OTOF: variants seen among roughly 807,000 people sequenced by gnomAD.
OTOF encodes the protein fer-1-like family member 2.
In OTOF, 218 loss-of-function variants were observed where a neutral mutation model predicts 236.8. The ratio of observed to expected loss-of-function variants is 0.92; its 90% CI spans 0.82 to 1.03. OTOF has a LOEUF of 1.03. Among genes scored for constraint, OTOF ranks in the 50% least tolerant of loss-of-function variants. The pLI is 0.00. For synonymous variants in OTOF, 1,041 were observed against 1,072.5 expected (o/e 0.97, Z 0.57); for missense variants, 2,590 against 2,694.4 (o/e 0.96, Z 0.86).
chr2:26,463,457 G>A (rs1267612035), intron 41 of OTOF, 26 bp downstream of exon 41: 2 of 1,554,382 alleles, frequency 1.3e-6, no homozygotes, highest in South Asian at 2.3e-5. Context: ...CCGGAAGGGA[G>A]TAGCGCTGGG....
intron 18 of OTOF, 48 bp downstream of exon 18, chr2:26,479,216 C>G: frequency 1.2e-6 from 2 of 1,605,976 alleles, no homozygotes; most frequent in Non-Finnish European, 1.7e-6. Flanking sequence ...CTGACAGCGC[C>G]GTCTCCCCCA....
chr2:26,520,509 C>A (rs1182810030), intron 3 of OTOF, among the ~76,000 whole-genome samples: 2 of 152,150 alleles, frequency 1.3e-5, no homozygotes, highest in African/African-American at 4.8e-5. Context: ...AGCTCAGAGC[C>A]CCAACCACCA....
chr2:26,482,467 G>A lies in OTOF; in HGVS notation c.1518C>T (p.Asn506=), dbSNP rs747202669. 9.9e-6 allele frequency: 16 copies of A among 1,613,212 alleles called. No homozygotes were observed. Among genetic ancestry groups the A allele is most frequent in the Admixed American group, 3.3e-5 (2 of 60,004 alleles). ...KVQIRDSDKV[N]DVAIGTHFID... Reference sequence around the variant, plus strand: ...TGAAGTGGGTGCCGATGGCCACGTCGTTGACCTTGTCCGAGTCTCGGATCT... The same window carrying A: ...TGAAGTGGGTGCCGATGGCCACGTCATTGACCTTGTCCGAGTCTCGGATCT... Residue 506 remains asparagine (N), a synonymous_variant, in exon 14 of 47, where the codon AAC becomes AAT. Coordinates refer to ENST00000272371, the MANE Select transcript of OTOF (RefSeq NM_194248.3).
chr2:26,549,292 GC>G (rs1048324305), intron 1 of OTOF, among the ~76,000 whole-genome samples: 2 of 152,096 alleles, frequency 1.3e-5, no homozygotes, highest in African/African-American at 4.8e-5. Flanking sequence ...TTGTCTAATT[GC>G]CCATATCTCT....
intron 32 of OTOF, 67 bp from the exon 33 acceptor site, chr2:26,468,541 T>C (rs909668330): frequency 1.2e-5 from 14 of 1,205,328 alleles, no homozygotes; most frequent in African/African-American, 6.0e-5. Flanking sequence ...TGACCCCAAA[T>C]TGTGGGCCCA....
intron 2 of OTOF, among the ~76,000 whole-genome samples, chr2:26,535,732 C>T (rs1438405818): frequency 6.6e-6 from 1 of 152,210 alleles, no homozygotes; most frequent in Non-Finnish European, 1.5e-5. Flanking sequence ...AGGTTCCTGC[C>T]TCTGGGATAT....
chr2:26,475,529 CAG>C, intron 24 of OTOF, 36 bp from the exon 25 acceptor site: 1 of 1,604,566 alleles, frequency 6.2e-7, no homozygotes, highest in South Asian at 1.1e-5. Flanking sequence ...GGACAAGTGA[CAG>C]AGGGGGGGGC....
chr2:26,492,711 A>G (rs1332733596), intron 9 of OTOF, among the ~76,000 whole-genome samples: 1 of 152,136 alleles, frequency 6.6e-6, no homozygotes, highest in Admixed American at 6.5e-5. Flanking sequence ...GGAGACTGGG[A>G]GCCTCCAGTC....
chr2:26,489,072 T>C (rs930333918), intron 11 of OTOF, 139 bp downstream of exon 11: 1 of 714,512 alleles, frequency 1.4e-6, no homozygotes, highest in African/African-American at 1.7e-5. Flanking sequence ...GCAGGCCAGA[T>C]GGCTGTGTGT....
chr2:26,459,938 G>T, intron 46 of OTOF, 70 bp downstream of exon 46: 1 of 1,384,232 alleles, frequency 7.2e-7, no homozygotes, highest in East Asian at 2.5e-5. Flanking sequence ...GGATGTGTGC[G>T]TGTATATGTG....
Position 26,463,207 on chromosome 2 carries a change from C to T in OTOF, c.5192+276G>A, listed in dbSNP as rs575598983. Among the ~76,000 whole-genome samples, 22 of 152,246 alleles carry T rather than the reference C, an allele frequency of 1.4e-4. 1 individual carries two copies. Among genetic ancestry groups the T allele is most frequent in the African/African-American group, 5.1e-4 (21 of 41,540 alleles). On this transcript the variant is annotated intron_variant, in intron 41 of 46. Coordinates refer to ENST00000272371, the MANE Select transcript of OTOF (RefSeq NM_194248.3). ...CGTAGACCGTGTAGATACAATGCACCGGAGTGTGCTGTGTGGGGCTTGTCT... is the reference window on the plus strand; with the variant it reads ...CGTAGACCGTGTAGATACAATGCACTGGAGTGTGCTGTGTGGGGCTTGTCT...
chr2:26,514,188 G>A (rs55995745), intron 5 of OTOF, among the ~76,000 whole-genome samples: 34,571 of 152,282 alleles, frequency 0.23, 4,569 homozygotes, highest in African/African-American at 0.38. Flanking sequence ...TCAAACCTGG[G>A]CTGGCAGCCC....
rs201753818 is a variant in OTOF, at chr2:26,519,103, G to A, written c.234C>T (p.Ile78=). ...NYSKVFSNKL[I]GTFRMVLQKV... ...TCTGCAGCACCATGCGGAAGGTCCC[G>A]ATGAGCCTGGGGATGGCAGAGGGGG... Residue 78 remains isoleucine (I), a synonymous_variant, in exon 4 of 47, where the codon ATC becomes ATT. Coordinates refer to ENST00000272371, the MANE Select transcript of OTOF (RefSeq NM_194248.3). 8.0e-5 allele frequency: 127 copies of A among 1,595,728 alleles called. No individual in the cohort carries two copies. The Admixed American group carries it at 1.1e-3, about 14-fold the overall frequency.
rs80356598 is a variant in OTOF, at chr2:26,467,186, C to T, written c.4275G>A (p.Trp1425Ter). Residue 1425 changes from tryptophan to a stop codon, truncating the protein, a stop_gained, in exon 35 of 47, where the codon TGG (tryptophan) becomes TGA (stop). Coordinates refer to ENST00000272371, the MANE Select transcript of OTOF (RefSeq NM_194248.3). LOFTEE classifies it high-confidence loss of function. ...CCCGAAGCAAGTTGAAAGTGTGCAG[C>T]CAGTCCTCAAAGTTATCAAACTCGG... ...LESEFDNFED[W>*]LHTFNLLRGK... 6.2e-7 allele frequency: 1 copy of T among 1,614,102 alleles called. No individual in the cohort carries two copies. The highest frequency in any genetic ancestry group is 1.7e-5 in the Admixed American group (1 of 60,030).
Position 26,458,179 on chromosome 2 carries a change from T to A in OTOF, c.*59A>T. 1 of 1,611,970 alleles carries A rather than the reference T, an allele frequency of 6.2e-7. No individual in the cohort carries two copies. Among genetic ancestry groups the A allele is most frequent in the South Asian group, 1.1e-5 (1 of 90,800 alleles). The stretch of plus-strand genomic sequence containing the variant: ...GGTGCAGATGAGGTACTTGATGGAC[T>A]TGAGAGGGTTGAGGAACCAGACGAA... On this transcript the variant is annotated 3_prime_UTR_variant, in exon 47 of 47. Transcript: ENST00000272371.
At chr2:26,553,388 G>A (rs1016789053) in intron 1 of OTOF, among the ~76,000 whole-genome samples, 3 of 152,142 alleles carry the variant, frequency 2.0e-5, no homozygotes, top group Admixed American at 6.5e-5. Context: ...ACAAACAGGG[G>A]CAGTTTTTCA....
intron 9 of OTOF, among the ~76,000 whole-genome samples, chr2:26,493,138 T>TCGG (rs1665889232): frequency 6.6e-6 from 1 of 152,084 alleles, no homozygotes; most frequent in South Asian, 2.1e-4. Context: ...ATCCTGAATG[T>TCGG]CCTTGGGGCT....
At chr2:26,534,979 G>A (rs1304023972) in intron 2 of OTOF, among the ~76,000 whole-genome samples, 1 of 152,252 alleles carries the variant, frequency 6.6e-6, no homozygotes, top group Non-Finnish European at 1.5e-5. Flanking sequence ...ACTGGGTCTA[G>A]GGAGAAAGGT....
intron 25 of OTOF, among the ~76,000 whole-genome samples, chr2:26,474,912 G>T (rs1665179264): frequency 6.6e-6 from 1 of 151,882 alleles, no homozygotes; most frequent in African/African-American, 2.4e-5. Flanking sequence ...CTAGTCCAGG[G>T]CTATCTGGGC....
Sources: gnomAD v4.1 joint callset for allele counts (sites outside exome capture counted in the v4.1 genomes callset) on GRCh38, gnomAD v4.1.1 for gene constraint, MANE v1.5 for transcripts, NCBI Gene and HGNC (gene_info 2026-07-23, HGNC 2026-07-21) for gene names.